The following CSMD1 variants were observed in gnomAD, a reference collection of about 807,000 sequenced individuals.
CSMD1 encodes CUB and sushi domain-containing protein 1.
A neutral mutation model predicts 417.5 loss-of-function variants in CSMD1; 213 were observed. The observed-to-expected ratio is 0.51, with a 90% confidence interval of 0.46 to 0.57. CSMD1 has a LOEUF of 0.57. Ranked by LOEUF, CSMD1 falls within the 20% of genes least tolerant of loss-of-function variation. CSMD1 has a pLI of 0.00. For missense variants in CSMD1, 6,923 were observed against 4,529.7 expected (o/e 1.53, Z -15.17); for synonymous variants, 2,862 against 1,736.8 (o/e 1.65, Z -16.11).
At chr8:4,456,029 C>T (rs1357105083) in intron 2 of CSMD1, among the ~76,000 whole-genome samples, 1 of 134,682 alleles carries the variant, frequency 7.4e-6, no homozygotes, top group Non-Finnish European at 1.6e-5. Context: ...GTCCATTCTC[C>T]TCTTCAAGTT....
intron 18 of CSMD1, among the ~76,000 whole-genome samples, chr8:3,384,436 T>G (rs939284719): frequency 6.6e-6 from 1 of 151,602 alleles, no homozygotes; most frequent in African/African-American, 2.4e-5. Flanking sequence ...GATCTGTTAC[T>G]AGAATCCTTA....
intron 60 of CSMD1, 126 bp from the exon 61 acceptor site, chr8:2,962,765 G>A: frequency 9.8e-7 from 1 of 1,018,184 alleles, no homozygotes; most frequent in South Asian, 1.7e-5. Context: ...ACGCTAAAAG[G>A]AGGCCAGGCA....
intron 5 of CSMD1, among the ~76,000 whole-genome samples, chr8:3,756,336 C>G (rs528298634): frequency 3.5e-4 from 47 of 135,546 alleles, no homozygotes; most frequent in African/African-American, 1.3e-3. Context: ...CTGGGCAACA[C>G]ACTGAGACTC....
At chr8:4,565,805 T>C (rs1798580915) in intron 2 of CSMD1, among the ~76,000 whole-genome samples, 1 of 133,376 alleles carries the variant, frequency 7.5e-6, no homozygotes, top group South Asian at 2.3e-4. Flanking sequence ...TATGTATACA[T>C]ATATATATTA....
chr8:4,057,570 G>A (rs1404607673), intron 3 of CSMD1, among the ~76,000 whole-genome samples: 5 of 151,896 alleles, frequency 3.3e-5, no homozygotes, highest in Admixed American at 6.6e-5. Context: ...GGCTTTTGTT[G>A]CCATTGCTTT....
chr8:4,781,467 G>C (rs1190237931), intron 1 of CSMD1, among the ~76,000 whole-genome samples: 1 of 152,134 alleles, frequency 6.6e-6, no homozygotes, highest in East Asian at 1.9e-4. Context: ...GTTTAGCATG[G>C]AGGCAACATA....
chr8:4,529,755 T>C (rs1487197431), intron 2 of CSMD1, among the ~76,000 whole-genome samples: 25 of 152,084 alleles, frequency 1.6e-4, no homozygotes, highest in Admixed American at 1.6e-3. Flanking sequence ...TATAAAGCGG[T>C]CCTGACAGCA....
At chr8:3,123,632 T>C (rs1422126613) in intron 41 of CSMD1, among the ~76,000 whole-genome samples, 1 of 152,020 alleles carries the variant, frequency 6.6e-6, no homozygotes, top group East Asian at 1.9e-4. Context: ...GGAAAGCTGA[T>C]TGCTGGTTTC....
intron 1 of CSMD1, among the ~76,000 whole-genome samples, chr8:4,809,015 T>C (rs959243688): frequency 2.0e-5 from 3 of 152,200 alleles, no homozygotes; most frequent in Non-Finnish European, 2.9e-5. Context: ...TCTTATTGAG[T>C]TGTCTTGCCG....
intron 2 of CSMD1, among the ~76,000 whole-genome samples, chr8:4,452,641 C>G (rs1440352217): frequency 2.0e-5 from 3 of 149,970 alleles, no homozygotes; most frequent in African/African-American, 4.9e-5. Flanking sequence ...ATGAAAAATT[C>G]TTGAGTGAAA....
intron 50 of CSMD1, among the ~76,000 whole-genome samples, chr8:3,037,052 T>C (rs573460914): frequency 3.3e-5 from 5 of 152,288 alleles, no homozygotes; most frequent in African/African-American, 1.2e-4. Flanking sequence ...GGGCTCCCAC[T>C]TAAAAGTGAG....
At chr8:3,806,022 C>T (rs1168787783) in intron 5 of CSMD1, among the ~76,000 whole-genome samples, 2 of 152,174 alleles carry the variant, frequency 1.3e-5, no homozygotes, top group South Asian at 4.1e-4. Flanking sequence ...CCTGGAGCAG[C>T]TTCATTGCAC....
chr8:3,349,244 A>G (rs1454360215), intron 21 of CSMD1, among the ~76,000 whole-genome samples: 1 of 152,128 alleles, frequency 6.6e-6, no homozygotes, highest in Non-Finnish European at 1.5e-5. Context: ...TTTGCAGATG[A>G]CTTCTGCATG....
At chr8:4,350,175 C>T (rs1418705382) in intron 3 of CSMD1, among the ~76,000 whole-genome samples, 1 of 152,076 alleles carries the variant, frequency 6.6e-6, no homozygotes, top group Non-Finnish European at 1.5e-5. Context: ...TGTTACAAGC[C>T]TTCTCTTCTT....
At chr8:4,378,822 G>T (rs971503329) in intron 3 of CSMD1, among the ~76,000 whole-genome samples, 4 of 152,096 alleles carry the variant, frequency 2.6e-5, no homozygotes, top group Non-Finnish European at 5.9e-5. Flanking sequence ...TTCCCCTTCT[G>T]CCATGTGAGG....
intron 41 of CSMD1, among the ~76,000 whole-genome samples, chr8:3,137,236 G>C (rs1218205419): frequency 6.6e-6 from 1 of 152,196 alleles, no homozygotes; most frequent in Non-Finnish European, 1.5e-5. Flanking sequence ...CTTTAAAAGA[G>C]TTTTGCTAGC....
chr8:3,223,774 C>T lies in CSMD1; in HGVS notation c.4439G>A (p.Arg1480Lys), dbSNP rs748250994. The T allele has an allele frequency of 1.9e-6, 3 of 1,613,948 alleles. No homozygotes were observed. Among genetic ancestry groups the T allele is most frequent in the Non-Finnish European group, 2.5e-6 (3 of 1,179,850 alleles). Residue 1480 changes from arginine to lysine, a missense_variant, in exon 28 of 70, where the codon AGA (arginine) becomes AAA (lysine). Transcript: ENST00000635120. ...GACAAAGTCCGGGTTCACTTTTACT[C>T]TCCAGTCACATTCCTTCCCAGGAGG... Reference protein sequence around the residue: ...PYPPGKECDWRVKVNPDFVIA... With the variant: ...PYPPGKECDWKVKVNPDFVIA...
At chr8:4,288,417 C>T (rs758131161) in intron 3 of CSMD1, among the ~76,000 whole-genome samples, 2 of 152,164 alleles carry the variant, frequency 1.3e-5, no homozygotes, top group Non-Finnish European at 2.9e-5. Flanking sequence ...GGCTTGTTCA[C>T]ACAAACTCAG....
intron 1 of CSMD1, among the ~76,000 whole-genome samples, chr8:4,833,262 G>T (rs889575454): frequency 6.6e-6 from 1 of 152,150 alleles, no homozygotes. Context: ...AGCATGGCTG[G>T]GAGGCTTCAG....
Sources: allele counts gnomAD v4.1 joint callset (sites outside exome capture counted in the v4.1 genomes callset), GRCh38; gene constraint gnomAD v4.1.1; transcripts MANE v1.5; gene names NCBI Gene and HGNC (gene_info 2026-07-23, HGNC 2026-07-21).